TBX22: variants seen among roughly 807,000 people sequenced by gnomAD.
TBX22 encodes the protein T-box transcription factor 22, also known as T-box transcription factor TBX22.
TBX22 carries 8 observed loss-of-function variants against 30.1 expected under a neutral mutation model. That is an observed-to-expected ratio of 0.27 (90% CI 0.16 to 0.48). TBX22 has a LOEUF of 0.48. Ranked by LOEUF, TBX22 falls within the 20% of genes least tolerant of loss-of-function variation. The pLI is 0.99. For synonymous variants in TBX22, 173 were observed against 149.1 expected (o/e 1.16, Z -1.17); for missense variants, 463 against 400.5 (o/e 1.16, Z -1.33).
intron 1 of TBX22, among the ~76,000 whole-genome samples, chrX:80,022,027 TACACACACAC>T (rs200577659): frequency 2.8e-3 from 261 of 92,959 alleles, no homozygotes; most frequent in East Asian, 0.011. Flanking sequence ...ATAAAAAAAT[TACACACACAC>T]ACACACACAC....
intron 1 of TBX22, among the ~76,000 whole-genome samples, chrX:80,019,253 C>T (rs1273780298): frequency 9.1e-6 from 1 of 110,069 alleles, no homozygotes; most frequent in Non-Finnish European, 1.9e-5. Flanking sequence ...CCTGACTCTG[C>T]TTTCATTAAA....
chrX:80,023,988 C>A (rs1464059832), intron 3 of TBX22, 75 bp from the exon 4 acceptor site: 8 of 979,717 alleles, frequency 8.2e-6, no homozygotes, highest in South Asian at 1.9e-5. Flanking sequence ...CTGGAGTCAG[C>A]ATTTGTCCAG....
At position 80,026,939 on chromosome X, in the gene TBX22, A is replaced by G. The variant is rs944331579; in HGVS notation, c.798+71A>G. On this transcript the variant is annotated intron_variant, in intron 6 of 8. Coordinates refer to ENST00000373296, the MANE Select transcript of TBX22 (RefSeq NM_001109878.2). ...ACCTTGGATTAGAGGCATAGAGGCT[A>G]ACTGCCATCAATTGCATTTTCCACA... 6.6e-5 allele frequency: 66 copies of G among 1,004,335 alleles called. 1 individual carries two copies. The South Asian group carries it at 1.2e-3, about 18-fold the overall frequency. The allele number at this position is 1,004,335 out of a possible 1,213,427, so 82.8% of individuals were successfully genotyped here.
chrX:80,030,661 A>G lies in TBX22; in HGVS notation c.1113A>G (p.Leu371=), dbSNP rs372906364. The change falls in exon 9 of 9, where the codon CTA becomes CTG. Residue 371 remains leucine (L), a synonymous_variant. Coordinates refer to ENST00000373296, the MANE Select transcript of TBX22 (RefSeq NM_001109878.2). ...ACCTGCCCAATGTCAACCTGCCTCT[A>G]TGCTACAAGATTTGTCCAACTAATT... ...EAYLPNVNLP[L]CYKICPTNFW... 5 of 1,209,940 alleles carry G rather than the reference A, an allele frequency of 4.1e-6. No homozygotes were observed. In the South Asian group the frequency reaches 5.3e-5, roughly 13 times the overall value.
At chrX:80,030,362 G>T (rs1924187223) in intron 8 of TBX22, 136 bp from the exon 9 acceptor site, 1 of 792,606 alleles carries the variant, frequency 1.3e-6, no homozygotes, top group Non-Finnish European at 1.9e-6. Context: ...CTGTCTCAAA[G>T]AAGCTAAAAG....
rs137989876 is a variant in TBX22, at chrX:80,023,186, T to A, written c.302T>A (p.Leu101Gln). The change falls in exon 3 of 9, where the codon CTG (leucine) becomes CAG (glutamine). Residue 101 changes from leucine to glutamine, a missense_variant. Coordinates refer to ENST00000373296, the MANE Select transcript of TBX22 (RefSeq NM_001109878.2). ...CAAATGGAGCTTCAAGGATCTGAAC[T>A]GTGGAAAAGATTCCATGACATCGGG... The part of the protein sequence containing the change: ...DIQMELQGSE[L>Q]WKRFHDIGTE... 319 of 1,210,291 alleles carry A rather than the reference T, an allele frequency of 2.6e-4. No homozygotes were observed. Among genetic ancestry groups the A allele is most frequent in the Non-Finnish European group, 3.4e-4 (302 of 895,195 alleles).
intron 1 of TBX22, among the ~76,000 whole-genome samples, chrX:80,020,339 C>CAGAT (rs72003996): frequency 6.8e-5 from 7 of 102,539 alleles, no homozygotes; most frequent in Non-Finnish European, 1.2e-4. Flanking sequence ...GATAGATAGA[C>CAGAT]AGATAGATAG....
In TBX22 at chrX:80,022,047, C is replaced by T. The variant is rs930072327; in HGVS notation, c.-2-221C>T. On this transcript the variant is annotated intron_variant, in intron 1 of 8. Transcript: ENST00000373296. Reference sequence around the variant, plus strand: ...AAAATTACACACACACACACACACACACACACACACACACACACACAATTA... The same window carrying T: ...AAAATTACACACACACACACACACATACACACACACACACACACACAATTA... Among the ~76,000 whole-genome samples the T allele has an allele frequency of 9.0e-5, 10 of 110,942 alleles. No individual in the cohort carries two copies. The East Asian group carries it at 1.4e-3, about 16-fold the overall frequency.
At position 80,023,170 on chromosome X, in the gene TBX22, C is replaced by G; in HGVS notation, c.286C>G (p.Leu96Val). ...SLEEKDIQME[L>V]QGSELWKRFH... is the part of the protein sequence containing the mutation. ...GGAAGAGAAAGATATTCAAATGGAGCTTCAAGGATCTGAACTGTGGAAAAG... is the reference window on the plus strand; with the variant it reads ...GGAAGAGAAAGATATTCAAATGGAGGTTCAAGGATCTGAACTGTGGAAAAG... The change falls in exon 3 of 9, where the codon CTT becomes GTT. Residue 96 changes from leucine to valine, a missense_variant. Coordinates refer to ENST00000373296, the MANE Select transcript of TBX22 (RefSeq NM_001109878.2). 8.3e-7 allele frequency: 1 copy of G among 1,211,498 alleles called. No individual in the cohort carries two copies. The highest frequency in any genetic ancestry group is 1.8e-5 in the South Asian group (1 of 56,996).
intron 8 of TBX22, among the ~76,000 whole-genome samples, chrX:80,028,868 A>G (rs1300027849): frequency 1.8e-5 from 2 of 111,283 alleles, no homozygotes; most frequent in Non-Finnish European, 3.8e-5. Context: ...ATGCCATAAC[A>G]ACTAACTGAA....
At chrX:80,019,749 T>C (rs889689787) in intron 1 of TBX22, among the ~76,000 whole-genome samples, 6 of 111,855 alleles carry the variant, frequency 5.4e-5, no homozygotes, top group Admixed American at 1.9e-4. Context: ...GAATTAACTA[T>C]ATTTTAGTCT....
At chrX:80,015,330 G>T (rs761214345) in intron 1 of TBX22, among the ~76,000 whole-genome samples, 1 of 112,127 alleles carries the variant, frequency 8.9e-6, no homozygotes, top group African/African-American at 3.2e-5. Context: ...TGAAGCCAAC[G>T]TGGAAGTCAC....
rs1923742432 is a variant in TBX22 at position 80,022,253 on chromosome X, C to G, written c.-2-15C>G. The G allele has an allele frequency of 1.7e-6, 2 of 1,208,067 alleles. No homozygotes were observed. On this transcript the variant is annotated splice_polypyrimidine_tract_variant and intron_variant, in intron 1 of 8. Transcript: ENST00000373296. Reference sequence around the variant, plus strand: ...GTTGAAACTTTGCTGCAAAGAATCCCTTCACCCCCTCCAGGGATGGCTCTG... The same window carrying G: ...GTTGAAACTTTGCTGCAAAGAATCCGTTCACCCCCTCCAGGGATGGCTCTG...
intron 1 of TBX22, among the ~76,000 whole-genome samples, chrX:80,020,752 TA>T (rs1287986371): frequency 2.7e-5 from 3 of 111,927 alleles, no homozygotes; most frequent in East Asian, 5.6e-4. Context: ...TAGCTGAAAT[TA>T]AAAGGACACA....
At chrX:80,023,962 G>A (rs1329027705) in intron 3 of TBX22, 101 bp from the exon 4 acceptor site, 1 of 734,520 alleles carries the variant, frequency 1.4e-6, no homozygotes, top group Non-Finnish European at 2.1e-6. Context: ...GGTATTGTGA[G>A]TCCCTTCACT....
At chrX:80,016,858 T>C (rs1477806224) in intron 1 of TBX22, among the ~76,000 whole-genome samples, 1 of 108,046 alleles carries the variant, frequency 9.3e-6, no homozygotes, top group African/African-American at 3.4e-5. Context: ...ATACAAAAAT[T>C]AGTTGGGCGT....
intron 1 of TBX22, among the ~76,000 whole-genome samples, chrX:80,021,450 C>T (rs921052931): frequency 9.0e-6 from 1 of 111,630 alleles, no homozygotes; most frequent in Non-Finnish European, 1.9e-5. Flanking sequence ...AACTGCAGAG[C>T]CAACTGGCCC....
At chrX:80,026,929 C>A in intron 6 of TBX22, 61 bp downstream of exon 6, 1 of 1,083,612 alleles carries the variant, frequency 9.2e-7, no homozygotes, top group Non-Finnish European at 1.3e-6. Flanking sequence ...GGATTAGAGG[C>A]ATAGAGGCTA....
At position 80,024,141 on chromosome X, in the gene TBX22, G is replaced by A; in HGVS notation, c.435G>A (p.Val145=). ...AGTACCATGTGGCCATCGATGTGGT[G>A]CCGGTGGATTCCAAACGCTATAGGT... The part of the protein sequence containing the change: ...GKQYHVAIDV[V]PVDSKRYRYV... Residue 145 remains valine, a synonymous_variant, in exon 4 of 9, where the codon GTG becomes GTA. Transcript: ENST00000373296. The A allele has an allele frequency of 8.3e-7, 1 of 1,210,811 alleles. No homozygotes were observed. Among genetic ancestry groups the A allele is most frequent in the Non-Finnish European group, 1.1e-6 (1 of 894,831 alleles).
Sources: gnomAD v4.1 joint callset for allele counts (sites outside exome capture counted in the v4.1 genomes callset) on GRCh38, gnomAD v4.1.1 for gene constraint, MANE v1.5 for transcripts, NCBI Gene and HGNC (gene_info 2026-07-23, HGNC 2026-07-21) for gene names.